The following EWSR1 variants were observed in gnomAD, a reference collection of about 807,000 sequenced individuals.
EWSR1 encodes the protein EWS RNA binding protein 1.
A neutral mutation model predicts 92.1 loss-of-function variants in EWSR1; 14 were observed. The ratio of observed to expected loss-of-function variants is 0.15; its 90% CI spans 0.10 to 0.24. The LOEUF is 0.24. Among genes scored for constraint, EWSR1 ranks in the 10% least tolerant of loss-of-function variants. The probability of loss-of-function intolerance (pLI) is 1.00; values close to 1 mark genes in which losing one functional copy is unlikely to be tolerated. For synonymous variants in EWSR1, 303 were observed against 292.9 expected (o/e 1.03, Z -0.35); for missense variants, 637 against 870.9 (o/e 0.73, Z 3.38).
At chr22:29,279,212 C>G (rs2059370553) in intron 5 of EWSR1, among the ~76,000 whole-genome samples, 1 of 152,076 alleles carries the variant, frequency 6.6e-6, no homozygotes, top group African/African-American at 2.4e-5. Flanking sequence ...ATGCTTTTAT[C>G]TTTGATTTCA....
chr22:29,293,616 G>A (rs2060614389), intron 11 of EWSR1, among the ~76,000 whole-genome samples: 2 of 152,094 alleles, frequency 1.3e-5, no homozygotes, highest in Admixed American at 1.3e-4. Context: ...CCAGGCTGGA[G>A]TGCAGTGGCA....
chr22:29,299,197 C>T, intron 14 of EWSR1, 37 bp from the exon 15 acceptor site: 1 of 1,613,892 alleles, frequency 6.2e-7, no homozygotes, highest in Non-Finnish European at 8.5e-7. Flanking sequence ...TTCCTTAGTT[C>T]AATTGGTGAT....
At chr22:29,268,622 C>G (rs959693058) in intron 1 of EWSR1, among the ~76,000 whole-genome samples, 10 of 152,122 alleles carry the variant, frequency 6.6e-5, no homozygotes, top group Non-Finnish European at 1.5e-4. Flanking sequence ...GTGTGGCGGT[C>G]CTCGCGCCCT....
intron 6 of EWSR1, among the ~76,000 whole-genome samples, chr22:29,285,872 C>T (rs1182105302): frequency 6.6e-6 from 1 of 151,904 alleles, no homozygotes; most frequent in Admixed American, 6.5e-5. Context: ...GAGTCTCGCT[C>T]TGTCGCCCAG....
chr22:29,273,936 C>T, intron 4 of EWSR1, 72 bp downstream of exon 4: 3 of 1,579,660 alleles, frequency 1.9e-6, no homozygotes, highest in East Asian at 4.5e-5. Context: ...ATTAGTCATG[C>T]TTTCGGATGT....
At position 29,273,928 on chromosome 22, in the gene EWSR1, T is replaced by C. The variant is rs573810852; in HGVS notation, c.226+64T>C. ...CTAGGGCATTGGCTAAGAAGCTTAT[T>C]AGTCATGCTTTCGGATGTATATTCT... On this transcript the variant is annotated intron_variant, in intron 4 of 16. Coordinates refer to ENST00000397938, the MANE Select transcript of EWSR1 (RefSeq NM_005243.4). 5.6e-6 allele frequency: 9 copies of C among 1,595,414 alleles called. No homozygotes were observed. In the African/African-American group the frequency reaches 6.7e-5, roughly 12 times the overall value.
chr22:29,296,479 G>A (rs2060870375), intron 12 of EWSR1, 111 bp downstream of exon 12: 1 of 1,331,118 alleles, frequency 7.5e-7, no homozygotes, highest in African/African-American at 1.5e-5. Context: ...CCTGGGGGAG[G>A]TAGATGGCCG....
At chr22:29,268,923 C>T (rs549001161) in intron 1 of EWSR1, among the ~76,000 whole-genome samples, 3 of 152,364 alleles carry the variant, frequency 2.0e-5, no homozygotes, top group East Asian at 1.9e-4. Context: ...CGAGCTGCCC[C>T]CTCTGTGGCT....
intron 5 of EWSR1, among the ~76,000 whole-genome samples, chr22:29,278,994 CAA>C (rs566817278): frequency 7.2e-5 from 9 of 124,786 alleles, no homozygotes; most frequent in Admixed American, 1.6e-4. Context: ...GACTTCACCT[CAA>C]AAAAAAAAAA....
At chr22:29,274,800 C>T (rs1047958155) in intron 4 of EWSR1, among the ~76,000 whole-genome samples, 1 of 152,004 alleles carries the variant, frequency 6.6e-6, no homozygotes, top group Non-Finnish European at 1.5e-5. Flanking sequence ...AATTGTATTC[C>T]GATACTGAGG....
At chr22:29,289,891 G>C in intron 8 of EWSR1, 1 of 230,254 alleles carries the variant, frequency 4.3e-6, no homozygotes, top group Non-Finnish European at 8.6e-6. Flanking sequence ...TTAATGATTC[G>C]GTATGAAGTA....
At chr22:29,299,882 G>A (rs200299355) in intron 16 of EWSR1, 31 bp downstream of exon 16, 156 of 1,529,344 alleles carry the variant, frequency 1.0e-4, no homozygotes, top group South Asian at 2.0e-4. Flanking sequence ...GCTGTGGGCC[G>A]CCAGGCACAG....
chr22:29,296,075 G>A, intron 11 of EWSR1, 164 bp from the exon 12 acceptor site: 1 of 721,300 alleles, frequency 1.4e-6, no homozygotes, highest in Non-Finnish European at 2.2e-6. Context: ...AGGGATAGAG[G>A]AGAAAATAAC....
intron 1 of EWSR1, among the ~76,000 whole-genome samples, chr22:29,271,022 G>A (rs2058638748): frequency 6.6e-6 from 1 of 152,208 alleles, no homozygotes; most frequent in South Asian, 2.1e-4. Flanking sequence ...AAGCCAACGT[G>A]AAGAGATGGA....
In EWSR1 at chr22:29,297,869, G is replaced by A. The variant is rs200670756; in HGVS notation, c.1337G>A (p.Arg446Gln). The A allele has an allele frequency of 5.0e-6, 8 of 1,614,060 alleles. No homozygotes were observed. Among genetic ancestry groups the A allele is most frequent in the Admixed American group, 3.3e-5 (2 of 60,012 alleles). The change falls in exon 13 of 17, where the codon CGG becomes CAG. Residue 446 changes from arginine to glutamine, a missense_variant. Transcript: ENST00000397938. ...QGSKLKVSLARKKPPMNSMRG... is the reference protein window; with the variant it reads ...QGSKLKVSLAQKKPPMNSMRG... ...AGCAAACTTAAAGTCTCCCTTGCTC[G>A]GAAGAAGCCTCCAATGAACAGTATG...
intron 5 of EWSR1, among the ~76,000 whole-genome samples, chr22:29,279,946 C>G (rs943051801): frequency 6.6e-6 from 1 of 151,962 alleles, no homozygotes; most frequent in Non-Finnish European, 1.5e-5. Context: ...TTTCTTTTCA[C>G]TTGTTACCAC....
intron 5 of EWSR1, among the ~76,000 whole-genome samples, chr22:29,281,810 C>A (rs2059629702): frequency 6.6e-6 from 1 of 152,002 alleles, no homozygotes. Context: ...TGGTCTCAAT[C>A]TGCTGACCTC....
At chr22:29,273,642 G>A in intron 3 of EWSR1, 99 bp from the exon 4 acceptor site, 2 of 1,340,622 alleles carry the variant, frequency 1.5e-6, no homozygotes, top group Admixed American at 4.5e-5. Flanking sequence ...CTTCTAGAAA[G>A]GAATGTTTTT....
rs1371442807 is a variant in EWSR1 at position 29,296,449 on chromosome 22, A to G, written c.1294+81A>G. On this transcript the variant is annotated intron_variant, in intron 12 of 16. Transcript: ENST00000397938. ...GGAGAAACTTGTGAACCATAGGAGCAAGAAGACCTTCCATCTCTTCCTGGG... is the reference window on the plus strand; with the variant it reads ...GGAGAAACTTGTGAACCATAGGAGCGAGAAGACCTTCCATCTCTTCCTGGG... 78 of 1,539,540 alleles carry G rather than the reference A, an allele frequency of 5.1e-5. No homozygotes were observed. The Middle Eastern group carries it at 8.9e-4, about 18-fold the overall frequency.
Sources: gnomAD v4.1 joint callset for allele counts (sites outside exome capture counted in the v4.1 genomes callset) on GRCh38, gnomAD v4.1.1 for gene constraint, MANE v1.5 for transcripts, NCBI Gene and HGNC (gene_info 2026-07-23, HGNC 2026-07-21) for gene names.